MAD1L1: variants seen among roughly 807,000 people sequenced by gnomAD.
MAD1L1 encodes mitotic spindle assembly checkpoint protein MAD1.
In MAD1L1, 95 loss-of-function variants were observed where a neutral mutation model predicts 96.9. The ratio of observed to expected loss-of-function variants is 0.98; its 90% CI spans 0.83 to 1.16. The LOEUF is 1.16. MAD1L1 is among the 50% of genes most tolerant of loss of function. The pLI, the probability that MAD1L1 is intolerant of heterozygous loss-of-function variation, is 0.00. For synonymous variants in MAD1L1, 473 were observed against 396.6 expected (o/e 1.19, Z -2.29); for missense variants, 1,007 against 954.4 (o/e 1.06, Z -0.73).
rs369476730 is a variant in MAD1L1 at position 2,091,755 on chromosome 7, G to A, written c.1074-22417C>T. Among the ~76,000 whole-genome samples, 84 of 147,542 alleles carry A rather than the reference G, an allele frequency of 5.7e-4. 2 individuals are homozygous for A. In the East Asian group the frequency reaches 8.3e-3, roughly 15 times the overall value. On this transcript the variant is annotated intron_variant, in intron 11 of 18. Transcript: ENST00000265854. The stretch of plus-strand genomic sequence containing the variant: ...CACGCCACTGCACTACAGCCTGGGC[G>A]ACAGAGCGAGACTCCATCTCAAAAA...
chr7:2,130,894 C>T (rs746247212), intron 11 of MAD1L1, among the ~76,000 whole-genome samples: 9 of 152,168 alleles, frequency 5.9e-5, no homozygotes, highest in African/African-American at 9.7e-5. Flanking sequence ...GCATCGAATC[C>T]GATCTTTCTA....
At chr7:1,835,133 AT>A (rs1394780765) in intron 18 of MAD1L1, among the ~76,000 whole-genome samples, 3 of 145,884 alleles carry the variant, frequency 2.1e-5, no homozygotes, top group African/African-American at 7.8e-5. Context: ...AAAAAAAAAA[AT>A]CTCAGCAAAC....
In MAD1L1 at chr7:1,898,226, G is replaced by A. The variant is rs2128441970; in HGVS notation, c.1972C>T (p.His658Tyr). 3 of 1,613,048 alleles carry A rather than the reference G, an allele frequency of 1.9e-6. No individual in the cohort carries two copies. The highest frequency in any genetic ancestry group is 2.5e-6 in the Non-Finnish European group (3 of 1,179,534). The part of the protein sequence containing the change: ...QYRLTSLYAE[H>Y]PGDCLIFKAT... ...TTGAAGATGAGGCAGTCGCCTGGGTGCTCGGCGTACAGCGAGGTCAGCCGG... is the reference window on the plus strand; with the variant it reads ...TTGAAGATGAGGCAGTCGCCTGGGTACTCGGCGTACAGCGAGGTCAGCCGG... Residue 658 changes from histidine to tyrosine, a missense_variant, in exon 18 of 19, where the codon CAC (histidine) becomes TAC (tyrosine). By Grantham distance (83) the His-to-Tyr change is moderately conservative. Transcript: ENST00000265854.
chr7:1,923,997 A>C (rs1308603957), intron 17 of MAD1L1, among the ~76,000 whole-genome samples: 1 of 152,246 alleles, frequency 6.6e-6, no homozygotes, highest in Non-Finnish European at 1.5e-5. Context: ...CTTAAGAAAG[A>C]CCTAGAATCT....
chr7:2,183,966 C>T (rs1017312216), intron 10 of MAD1L1, among the ~76,000 whole-genome samples: 15 of 151,984 alleles, frequency 9.9e-5, no homozygotes, highest in Non-Finnish European at 1.3e-4. Flanking sequence ...AAAGAAAGAA[C>T]TCAGCCGGGC....
chr7:1,975,702 G>A (rs1341925227), intron 15 of MAD1L1, among the ~76,000 whole-genome samples: 1 of 152,230 alleles, frequency 6.6e-6, no homozygotes, highest in African/African-American at 2.4e-5. Flanking sequence ...GGTCCCTGGG[G>A]TGTGAGTGGA....
chr7:1,907,010 T>C (rs1787676584), intron 17 of MAD1L1, among the ~76,000 whole-genome samples: 1 of 152,160 alleles, frequency 6.6e-6, no homozygotes, highest in Admixed American at 6.5e-5. Context: ...AGAGAGGCCA[T>C]GCCACTGCCC....
At chr7:1,915,446 C>A (rs187184883) in intron 17 of MAD1L1, among the ~76,000 whole-genome samples, 4 of 152,090 alleles carry the variant, frequency 2.6e-5, no homozygotes, top group African/African-American at 9.7e-5. Context: ...CAGGGGACGG[C>A]GCAGGCAGAG....
At chr7:2,201,610 A>C (rs537715700) in intron 10 of MAD1L1, among the ~76,000 whole-genome samples, 4 of 152,330 alleles carry the variant, frequency 2.6e-5, no homozygotes, top group South Asian at 4.1e-4. Context: ...GAGACCTATA[A>C]GTAGAAGAGC....
chr7:2,197,687 C>T (rs1637740), intron 10 of MAD1L1, among the ~76,000 whole-genome samples: 11,186 of 152,220 alleles, frequency 0.073, 1,057 homozygotes, highest in African/African-American at 0.22. Context: ...GCTGTCTGCT[C>T]CTCTGGCTCT....
intron 15 of MAD1L1, among the ~76,000 whole-genome samples, chr7:1,964,628 C>T (rs1780084285): frequency 2.0e-5 from 3 of 152,202 alleles, no homozygotes; most frequent in African/African-American, 2.4e-5. Context: ...CTTACTGCAA[C>T]TTTTTTAAAC....
At chr7:1,916,239 T>C (rs927219495) in intron 17 of MAD1L1, among the ~76,000 whole-genome samples, 10 of 152,198 alleles carry the variant, frequency 6.6e-5, no homozygotes, top group Admixed American at 5.2e-4. Context: ...CTCTCCTCCC[T>C]AGAATGTGGA....
intron 17 of MAD1L1, among the ~76,000 whole-genome samples, chr7:1,907,676 G>T (rs911847686): frequency 2.0e-5 from 3 of 152,256 alleles, no homozygotes; most frequent in African/African-American, 7.2e-5. Context: ...TGGCAGGAGT[G>T]GGGGAAACAT....
At chr7:1,903,658 G>A (rs1812156049) in intron 17 of MAD1L1, among the ~76,000 whole-genome samples, 1 of 145,126 alleles carries the variant, frequency 6.9e-6, no homozygotes, top group Non-Finnish European at 1.5e-5. Context: ...AGGCAGTGAG[G>A]ACGCAGTGGC....
chr7:2,078,407 C>T (rs1387254820), intron 11 of MAD1L1, among the ~76,000 whole-genome samples: 4 of 152,214 alleles, frequency 2.6e-5, no homozygotes, highest in African/African-American at 7.2e-5. Flanking sequence ...GTGCGTCCGT[C>T]GTGAAGCACG....
intron 15 of MAD1L1, among the ~76,000 whole-genome samples, chr7:1,972,737 G>C (rs1780461008): frequency 6.6e-6 from 1 of 151,680 alleles, no homozygotes. Flanking sequence ...CCTTTCTCCA[G>C]GTTATTGAGA....
At chr7:1,851,414 C>T (rs1583556172) in intron 18 of MAD1L1, among the ~76,000 whole-genome samples, 2 of 152,226 alleles carry the variant, frequency 1.3e-5, no homozygotes, top group African/African-American at 4.8e-5. Flanking sequence ...GCTGGGACAG[C>T]TCAGACCTCG....
chr7:2,090,611 T>C (rs1052192837), intron 11 of MAD1L1, among the ~76,000 whole-genome samples: 2 of 152,200 alleles, frequency 1.3e-5, no homozygotes, highest in African/African-American at 4.8e-5. Context: ...GAGTCTCCTC[T>C]CATTTGTCAG....
At chr7:1,973,482 A>T (rs4721265) in intron 15 of MAD1L1, among the ~76,000 whole-genome samples, 14 of 151,998 alleles carry the variant, frequency 9.2e-5, no homozygotes, top group Admixed American at 2.6e-4. Flanking sequence ...GGGCCACGGA[A>T]GGGTGGATGC....
Sources: allele counts gnomAD v4.1 joint callset (sites outside exome capture counted in the v4.1 genomes callset), GRCh38; gene constraint gnomAD v4.1.1; transcripts MANE v1.5; gene names NCBI Gene and HGNC (gene_info 2026-07-23, HGNC 2026-07-21).